The following MMACHC variants were observed in gnomAD, a reference collection of about 807,000 sequenced individuals.
MMACHC encodes cyanocobalamin reductase / alkylcobalamin dealkylase.
Under a neutral mutation model 17.6 loss-of-function variants are expected in MMACHC, and 14 were observed. The observed-to-expected ratio is 0.80, with a 90% CI of 0.53 to 1.25. The LOEUF is 1.25. MMACHC is among the 50% of genes most tolerant of loss of function. The pLI, the probability that MMACHC is intolerant of heterozygous loss-of-function variation, is 0.00. For synonymous variants in MMACHC, 151 were observed against 142.1 expected (o/e 1.06, Z -0.45); for missense variants, 392 against 364.5 (o/e 1.08, Z -0.62).
chr1:45,508,682 T>C, intron 3 of MMACHC, 114 bp from the exon 4 acceptor site: 1 of 1,233,224 alleles, frequency 8.1e-7, no homozygotes, highest in South Asian at 1.5e-5. Flanking sequence ...GACAGAGGTT[T>C]ATGTAGTCAG....
chr1:45,511,186 C>T lies in MMACHC; in HGVS notation c.*1971C>T, dbSNP rs944633221. ...GGAAGAAAGGCTGGTCTCTCCACCC[C>T]CTGTAGGAAAGGCCTGCCTTGTAAG... is the stretch of plus-strand genomic sequence containing the variant. On this transcript the variant is annotated 3_prime_UTR_variant, in exon 4 of 4. Transcript: ENST00000401061. The T allele has an allele frequency of 5.8e-6, 4 of 694,030 alleles. No homozygotes were observed. The Admixed American group carries it at 7.8e-5, about 14-fold the overall frequency. 43.0% of individuals were successfully genotyped at this position (694,030 alleles called of 1,614,324 possible).
intron 2 of MMACHC, 91 bp from the exon 3 acceptor site, chr1:45,508,121 T>A: frequency 6.7e-7 from 1 of 1,492,214 alleles, no homozygotes; most frequent in Non-Finnish European, 9.3e-7. Flanking sequence ...CAGGACCATG[T>A]TCACACACAC....
chr1:45,505,633 G>C (rs1643609644), intron 1 of MMACHC, among the ~76,000 whole-genome samples: 1 of 151,832 alleles, frequency 6.6e-6, no homozygotes, highest in Admixed American at 6.6e-5. Flanking sequence ...GCTGGGCCCG[G>C]TGGCTCACGC....
chr1:45,509,422 T>TTTTTG lies in MMACHC; in HGVS notation c.*211_*212insGTTTT, dbSNP rs1643697469. 3 of 565,462 alleles carry TTTTTG rather than the reference T, an allele frequency of 5.3e-6. No individual in the cohort carries two copies. The South Asian group carries it at 6.5e-5, about 12-fold the overall frequency. 35.0% of individuals were successfully genotyped at this position (565,462 alleles called of 1,614,324 possible). ...CCCATCTGCCTTCAAATGAGTTTTT[T>TTTTTG]TTTTTTTTTTAGACAGAGTCTTACT... On this transcript the variant is annotated 3_prime_UTR_variant, in exon 4 of 4. Coordinates refer to ENST00000401061, the MANE Select transcript of MMACHC (RefSeq NM_015506.3).
chr1:45,510,148 C>G lies in MMACHC; in HGVS notation c.*933C>G, dbSNP rs1231804733. ...ACGTGTAAGGCACTTTGGAAAAATA[C>G]CTGGCATATATAGTAAGCAGTATGT... On this transcript the variant is annotated 3_prime_UTR_variant, in exon 4 of 4. Coordinates refer to ENST00000401061, the MANE Select transcript of MMACHC (RefSeq NM_015506.3). 1 of 151,678 alleles carries G rather than the reference C, an allele frequency of 6.6e-6. No individual in the cohort carries two copies. Among genetic ancestry groups the G allele is most frequent in the Non-Finnish European group, 1.5e-5 (1 of 67,986 alleles). 9.4% of individuals were successfully genotyped at this position (151,678 alleles called of 1,614,324 possible).
Position 45,511,394 on chromosome 1 carries a change from G to A in MMACHC, c.*2179G>A. ...TCAGGCTTGATGGTATCACTGCCAG[G>A]TTTCCAGCCAGCTGGGCACACTGCA... On this transcript the variant is annotated 3_prime_UTR_variant, in exon 4 of 4. Transcript: ENST00000401061. 2.5e-6 allele frequency: 4 copies of A among 1,612,890 alleles called. No homozygotes were observed. The highest frequency in any genetic ancestry group is 3.4e-6 in the Non-Finnish European group (4 of 1,179,496).
rs113451512 is a variant in MMACHC at position 45,511,078 on chromosome 1, A to G, written c.*1863A>G. On this transcript the variant is annotated 3_prime_UTR_variant, in exon 4 of 4. Transcript: ENST00000401061. The stretch of plus-strand genomic sequence containing the variant: ...TCAGTTCAAGTTTAATACAAACTAC[A>G]AAAGATTAATGGGTTGCTCTACTAA... 5.0e-5 allele frequency: 17 copies of G among 341,660 alleles called. No individual in the cohort carries two copies. The highest frequency in any genetic ancestry group is 3.4e-4 in the African/African-American group (16 of 47,464). 21.2% of individuals were successfully genotyped at this position (341,660 alleles called of 1,614,324 possible).
At chr1:45,505,405 G>T (rs1009253626) in intron 1 of MMACHC, among the ~76,000 whole-genome samples, 1 of 151,886 alleles carries the variant, frequency 6.6e-6, no homozygotes, top group African/African-American at 2.4e-5. Context: ...CCGAGGCTGC[G>T]CCATTGCACT....
Position 45,511,162 on chromosome 1 carries a change from G to A in MMACHC, c.*1947G>A. On this transcript the variant is annotated 3_prime_UTR_variant, in exon 4 of 4. Transcript: ENST00000401061. ...CCAACTCAGGCCATTCCTACCAAAG[G>A]AAGAAAGGCTGGTCTCTCCACCCCC... 1 of 596,554 alleles carries A rather than the reference G, an allele frequency of 1.7e-6. No individual in the cohort carries two copies. 37.0% of individuals were successfully genotyped at this position (596,554 alleles called of 1,614,324 possible). A position where few individuals can be genotyped will look rare whatever the true frequency, so the allele number is the denominator to read the frequency against.
chr1:45,511,392 A>T lies in MMACHC; in HGVS notation c.*2177A>T. The T allele has an allele frequency of 6.2e-7, 1 of 1,613,200 alleles. No homozygotes were observed. Among genetic ancestry groups the T allele is most frequent in the Non-Finnish European group, 8.5e-7 (1 of 1,179,638 alleles). On this transcript the variant is annotated 3_prime_UTR_variant, in exon 4 of 4. Coordinates refer to ENST00000401061, the MANE Select transcript of MMACHC (RefSeq NM_015506.3). ...CATCAGGCTTGATGGTATCACTGCC[A>T]GGTTTCCAGCCAGCTGGGCACACTG... is the stretch of plus-strand genomic sequence containing the variant.
At chr1:45,505,284 T>C (rs1415762756) in intron 1 of MMACHC, among the ~76,000 whole-genome samples, 4 of 149,798 alleles carry the variant, frequency 2.7e-5, no homozygotes, top group East Asian at 2.0e-4. Context: ...CCGTCTCTAC[T>C]AAAAAATACA....
chr1:45,508,735 G>A, intron 3 of MMACHC, 61 bp from the exon 4 acceptor site: 2 of 1,560,402 alleles, frequency 1.3e-6, no homozygotes, highest in Admixed American at 3.6e-5. Context: ...TTGCAATGAT[G>A]GCAGTTGACT....
chr1:45,506,773 C>A (rs1369470030), intron 1 of MMACHC, among the ~76,000 whole-genome samples: 1 of 151,502 alleles, frequency 6.6e-6, no homozygotes, highest in Admixed American at 6.6e-5. Context: ...AGCTGTGAGT[C>A]ACCACACCTG....
chr1:45,512,858 T>C lies in MMACHC; in HGVS notation c.*3643T>C, dbSNP rs1009881884. ...CACATCCTTCTGCAAAGGGTACCTC[T>C]TGGTTATCAGTGCTCACTGATCCCT... On this transcript the variant is annotated 3_prime_UTR_variant, in exon 4 of 4. Transcript: ENST00000401061. 6.6e-6 allele frequency: 1 copy of C among 152,246 alleles called. No homozygotes were observed. 9.4% of individuals were successfully genotyped at this position (152,246 alleles called of 1,614,324 possible).
In MMACHC at chr1:45,508,653, A is replaced by G; in HGVS notation, c.430-143A>G. The G allele has an allele frequency of 3.8e-6, 4 of 1,053,110 alleles. No individual in the cohort carries two copies. The South Asian group carries it at 6.6e-5, about 17-fold the overall frequency. The allele number at this position is 1,053,110 out of a possible 1,614,324, so 65.2% of individuals were successfully genotyped here. ...TCCCTGTGCTCAGAATAGTTTATGA[A>G]AGGGTTTGCCAAGAAAAGGACAGAG... On this transcript the variant is annotated intron_variant, in intron 3 of 3. Transcript: ENST00000401061.
rs751539831 is a variant in MMACHC at position 45,500,382 on chromosome 1, G to A, written c.50G>A (p.Cys17Tyr). 6.2e-7 allele frequency: 1 copy of A among 1,614,188 alleles called. No homozygotes were observed. Among genetic ancestry groups the A allele is most frequent in the South Asian group, 1.1e-5 (1 of 91,082 alleles). ...AAGCAGAAGATCGAGGACACGCTAT[G>A]TCCTTTTGGCTTCGAGGTTTACCCC... The part of the protein sequence containing the change: ...ELKQKIEDTL[C>Y]PFGFEVYPFQ... The change falls in exon 1 of 4, where the codon TGT becomes TAT. Residue 17 changes from cysteine (C) to tyrosine (Y), a missense_variant. Transcript: ENST00000401061.
rs771203889 is a variant in MMACHC at position 45,509,128 on chromosome 1, A to C, written c.762A>C (p.Thr254=). The C allele has an allele frequency of 5.0e-6, 8 of 1,610,694 alleles. No individual in the cohort carries two copies. The South Asian group carries it at 8.8e-5, about 18-fold the overall frequency. ...SSPSPDLPFT[T]PAPKKPGNPS... is the part of the protein sequence containing the mutation. ...CCTCCCCGGACCTTCCCTTTACCAC[A>C]CCCGCCCCCAAGAAGCCTGGGAATC... Residue 254 remains threonine (T), a synonymous_variant, in exon 4 of 4, where the codon ACA becomes ACC. Coordinates refer to ENST00000401061, the MANE Select transcript of MMACHC (RefSeq NM_015506.3).
chr1:45,507,061 G>C (rs1643631580), intron 1 of MMACHC, among the ~76,000 whole-genome samples: 2 of 152,094 alleles, frequency 1.3e-5, no homozygotes, highest in Non-Finnish European at 2.9e-5. Context: ...AGCTGCTCGG[G>C]AGGCTGAGGC....
intron 1 of MMACHC, 131 bp from the exon 2 acceptor site, chr1:45,507,225 G>A (rs1643634371): frequency 2.6e-6 from 2 of 767,150 alleles, no homozygotes; most frequent in African/African-American, 1.7e-5. Context: ...GCATCACATA[G>A]CGTCAGTGAA....
Sources: gnomAD v4.1 joint callset for allele counts (sites outside exome capture counted in the v4.1 genomes callset) on GRCh38, gnomAD v4.1.1 for gene constraint, MANE v1.5 for transcripts, NCBI Gene and HGNC (gene_info 2026-07-23, HGNC 2026-07-21) for gene names.